The following CARF variants were observed in gnomAD, a reference collection of about 807,000 sequenced individuals.
CARF encodes the protein calcium responsive transcription factor.
In CARF, 57 loss-of-function variants were observed where a neutral mutation model predicts 82.0. The ratio of observed to expected loss-of-function variants is 0.70; its 90% CI spans 0.56 to 0.87. The LOEUF (loss-of-function observed/expected upper bound fraction) is 0.87, where lower values mean the gene tolerates loss of function less well. Ranked by LOEUF, CARF falls within the 40% of genes least tolerant of loss-of-function variation. The pLI is 0.00. For synonymous variants in CARF, 268 were observed against 290.1 expected (o/e 0.92, Z 0.77); for missense variants, 771 against 855.8 (o/e 0.90, Z 1.24).
chr2:202,922,290 T>A (rs918947479), intron 2 of CARF, among the ~76,000 whole-genome samples: 33 of 151,952 alleles, frequency 2.2e-4, no homozygotes, highest in Non-Finnish European at 1.0e-4. Context: ...TTTTTAAAAA[T>A]TTTTTTGTAG....
rs901755407 is a variant in CARF, at chr2:202,987,549, GC to G, written c.*3927del. Among the ~76,000 whole-genome samples the G allele has an allele frequency of 2.6e-5, 4 of 152,056 alleles. No individual in the cohort carries two copies. The highest frequency in any genetic ancestry group is 5.9e-5 in the Non-Finnish European group (4 of 68,018). ...TAATTAACTTAGTCATAAGGACAAAGCCTTAGTATATTTTTGCCACATACAT... is the reference window on the plus strand; with the variant it reads ...TAATTAACTTAGTCATAAGGACAAAGCTTAGTATATTTTTGCCACATACAT... On this transcript the variant is annotated 3_prime_UTR_variant, in exon 17 of 17. Coordinates refer to ENST00000438828, the MANE Select transcript of CARF (RefSeq NM_024744.17).
intron 10 of CARF, among the ~76,000 whole-genome samples, chr2:202,967,734 A>T (rs1333808135): frequency 6.6e-6 from 1 of 152,230 alleles, no homozygotes; most frequent in African/African-American, 2.4e-5. Context: ...AGTAGGAAAA[A>T]TTCCTAGAAA....
At chr2:202,942,692 A>T (rs1358459970) in intron 4 of CARF, 48 bp from the exon 5 acceptor site, 3 of 1,338,132 alleles carry the variant, frequency 2.2e-6, no homozygotes, top group African/African-American at 3.0e-5. Flanking sequence ...ACACATCTTT[A>T]AAAAAAATGG....
chr2:202,942,995 T>G, intron 5 of CARF, 28 bp downstream of exon 5: 3 of 1,562,928 alleles, frequency 1.9e-6, no homozygotes, highest in South Asian at 2.2e-5. Context: ...GTAACCAGTT[T>G]TATGCCGTTT....
intron 9 of CARF, 90 bp downstream of exon 9, chr2:202,961,516 T>C (rs1454218359): frequency 8.8e-7 from 1 of 1,134,054 alleles, no homozygotes; most frequent in Non-Finnish European, 1.3e-6. Flanking sequence ...AACATTTTTA[T>C]TTTGGTAGCT....
At position 202,955,721 on chromosome 2, in the gene CARF, A is replaced by G. The variant is rs749581919; in HGVS notation, c.605A>G (p.Asn202Ser). The G allele has an allele frequency of 1.2e-6, 2 of 1,612,416 alleles. No homozygotes were observed. Among genetic ancestry groups the G allele is most frequent in the Admixed American group, 3.3e-5 (2 of 59,898 alleles). The change falls in exon 8 of 17, where the codon AAT becomes AGT. Residue 202 changes from asparagine (N) to serine (S), a missense_variant. By Grantham distance (46) the Asn-to-Ser change is conservative (BLOSUM62 1). Transcript: ENST00000438828. ...GGGCCTCTTCAGCCACTTTCTTCTA[A>G]TACACCTATATGGGCCTGCCGTCTT... ...LLGPLQPLSS[N>S]TPIWACRLRS... is the part of the protein sequence containing the mutation.
intron 7 of CARF, among the ~76,000 whole-genome samples, chr2:202,954,989 G>A (rs1159953656): frequency 6.6e-6 from 1 of 151,866 alleles, no homozygotes; most frequent in Non-Finnish European, 1.5e-5. Flanking sequence ...ACTCCAGCCT[G>A]GGTGACAGAG....
rs147538234 is a variant in CARF at position 202,916,095 on chromosome 2, G to T, written c.-329-1782G>T. 5.7e-3 allele frequency among the ~76,000 whole-genome samples: 864 copies of T among 151,920 alleles called. 11 individuals carry two copies. Among genetic ancestry groups the T allele is most frequent in the African/African-American group, 0.02 (810 of 41,444 alleles). On this transcript the variant is annotated intron_variant, in intron 1 of 16. Coordinates refer to ENST00000438828, the MANE Select transcript of CARF (RefSeq NM_024744.17). Reference sequence around the variant, plus strand: ...AGTAATTTTGTACATATTATAAAAGGAATGTTATGTCATTTACCTCTAAAA... The same window carrying T: ...AGTAATTTTGTACATATTATAAAAGTAATGTTATGTCATTTACCTCTAAAA...
chr2:202,945,879 A>G (rs1390056858), intron 5 of CARF, among the ~76,000 whole-genome samples: 1 of 152,154 alleles, frequency 6.6e-6, no homozygotes, highest in Non-Finnish European at 1.5e-5. Context: ...TCTTTGAGGA[A>G]TCACCATACT....
intron 9 of CARF, chr2:202,961,659 A>G: frequency 2.0e-6 from 1 of 492,562 alleles, no homozygotes; most frequent in Middle Eastern, 5.3e-4. Flanking sequence ...TATTATACTG[A>G]AAAATAAAAT....
In CARF at chr2:202,912,417, A is replaced by T. The variant is rs1486234615; in HGVS notation, c.-1015A>T. The T allele has an allele frequency of 6.7e-6, 1 of 148,998 alleles. No homozygotes were observed. The highest frequency in any genetic ancestry group is 2.0e-4 in the East Asian group (1 of 4,938). The allele number at this position is 148,998 out of a possible 1,614,324, so 9.2% of individuals were successfully genotyped here. On this transcript the variant is annotated 5_prime_UTR_variant, in exon 1 of 17. Coordinates refer to ENST00000438828, the MANE Select transcript of CARF (RefSeq NM_024744.17). ...CTATCGGCGGCGGCAGGACTGGGGG[A>T]GTCAGAGGTCTGGCAGCGCTGTCTG... is the stretch of plus-strand genomic sequence containing the variant.
In CARF at chr2:202,971,532, A is replaced by T; in HGVS notation, c.1125A>T (p.Gln375His). The T allele has an allele frequency of 6.2e-7, 1 of 1,613,078 alleles. No homozygotes were observed. ...GGTATGTACAGTTACCTACACAGCA[A>T]GCTCATCAGTATCATGAATTAGAGA... Reference protein sequence around the residue: ...LRWYVQLPTQQAHQYHELETP... With the variant: ...LRWYVQLPTQHAHQYHELETP... Residue 375 changes from glutamine to histidine, a missense_variant, in exon 12 of 17, where the codon CAA becomes CAT. Transcript: ENST00000438828.
chr2:202,942,071 T>G (rs2058254822), intron 4 of CARF, 91 bp downstream of exon 4: 2 of 1,039,690 alleles, frequency 1.9e-6, no homozygotes, highest in Non-Finnish European at 2.9e-6. Flanking sequence ...GCTGTTATAT[T>G]TAGTGTATTC....
At chr2:202,983,415 A>T (rs778058336) in intron 16 of CARF, 91 bp from the exon 17 acceptor site, 9 of 813,292 alleles carry the variant, frequency 1.1e-5, no homozygotes, top group Non-Finnish European at 1.7e-5. Context: ...GTTTTCACAG[A>T]AGTTATTTTT....
chr2:202,931,031 A>T (rs1483558800), intron 3 of CARF, among the ~76,000 whole-genome samples: 1 of 139,232 alleles, frequency 7.2e-6, no homozygotes, highest in East Asian at 2.1e-4. Context: ...CTGGAGTGCA[A>T]TGGTGCAGTC....
chr2:202,934,578 A>G (rs1693559610), intron 3 of CARF: 1 of 152,122 alleles, frequency 6.6e-6, no homozygotes, highest in African/African-American at 2.4e-5. Flanking sequence ...CACCTCAGCC[A>G]TCTGATTACC....
chr2:202,964,752 C>T (rs917274623), intron 9 of CARF, among the ~76,000 whole-genome samples: 1 of 151,878 alleles, frequency 6.6e-6, no homozygotes, highest in Non-Finnish European at 1.5e-5. Flanking sequence ...TACACTTCCT[C>T]ATTCCCTAGA....
intron 8 of CARF, 51 bp from the exon 9 acceptor site, chr2:202,961,186 A>G (rs751139756): frequency 9.9e-6 from 14 of 1,413,386 alleles, no homozygotes; most frequent in African/African-American, 1.4e-5. Context: ...TACATTTATT[A>G]TGCAATGAAG....
intron 5 of CARF, among the ~76,000 whole-genome samples, chr2:202,943,506 G>A (rs1199974582): frequency 6.6e-6 from 1 of 151,008 alleles, no homozygotes; most frequent in Non-Finnish European, 1.5e-5. Context: ...CTTGTGCTTT[G>A]AGATCAATTG....
Sources: allele counts gnomAD v4.1 joint callset (sites outside exome capture counted in the v4.1 genomes callset), GRCh38; gene constraint gnomAD v4.1.1; transcripts MANE v1.5; gene names NCBI Gene and HGNC (gene_info 2026-07-23, HGNC 2026-07-21).